CAMTA1: variants seen among roughly 807,000 people sequenced by gnomAD.
The protein encoded by CAMTA1 is calmodulin-binding transcription activator 1.
A neutral mutation model predicts 170.9 loss-of-function variants in CAMTA1; 27 were observed. The observed-to-expected ratio is 0.16, with a 90% CI of 0.12 to 0.22. CAMTA1 has a LOEUF of 0.22. CAMTA1 is among the 10% of genes least tolerant of loss of function. The pLI, the probability that CAMTA1 is intolerant of heterozygous loss-of-function variation, is 1.00. For missense variants in CAMTA1, 1,619 were observed against 2,217.2 expected (o/e 0.73, Z 5.42); for synonymous variants, 833 against 891.5 (o/e 0.93, Z 1.17).
At chr1:7,302,965 G>GGTGCT in intron 5 of CAMTA1, among the ~76,000 whole-genome samples, 1 of 152,296 alleles carries the variant, frequency 6.6e-6, no homozygotes, top group African/African-American at 2.4e-5. Flanking sequence ...AGGGTACCCA[G>GGTGCT]GTGCTGTGGG....
At chr1:7,416,227 A>T (rs2091162337) in intron 5 of CAMTA1, among the ~76,000 whole-genome samples, 1 of 151,918 alleles carries the variant, frequency 6.6e-6, no homozygotes, top group African/African-American at 2.4e-5. Flanking sequence ...TGAATCTGAC[A>T]ATTATGTGTC....
At chr1:6,855,078 C>T (rs1287338967) in intron 3 of CAMTA1, among the ~76,000 whole-genome samples, 1 of 151,946 alleles carries the variant, frequency 6.6e-6, no homozygotes, top group Non-Finnish European at 1.5e-5. Context: ...TTGTAGATGA[C>T]ATGATTGTAT....
chr1:6,806,817 A>G (rs1159440549), intron 1 of CAMTA1, among the ~76,000 whole-genome samples: 1 of 152,266 alleles, frequency 6.6e-6, no homozygotes, highest in African/African-American at 2.4e-5. Context: ...ACATGTTACA[A>G]TAAAATTGTG....
At chr1:6,967,649 G>C (rs1353737614) in intron 3 of CAMTA1, among the ~76,000 whole-genome samples, 2 of 152,170 alleles carry the variant, frequency 1.3e-5, no homozygotes, top group African/African-American at 4.8e-5. Flanking sequence ...CATGAGCTCT[G>C]GCTGTGCTGT....
chr1:7,708,021 A>C (rs1049613442), intron 11 of CAMTA1, among the ~76,000 whole-genome samples: 15 of 152,146 alleles, frequency 9.9e-5, no homozygotes, highest in African/African-American at 3.4e-4. Flanking sequence ...ATGATATGAT[A>C]CCTTGTGAAT....
intron 5 of CAMTA1, among the ~76,000 whole-genome samples, chr1:7,283,449 C>T (rs995537744): frequency 1.6e-4 from 24 of 152,192 alleles, no homozygotes; most frequent in African/African-American, 5.5e-4. Flanking sequence ...ACACAGGTGA[C>T]TCACACTGCT....
rs907689042 is a variant in CAMTA1, at chr1:7,746,006, T to C, written c.4532T>C (p.Phe1511Ser). The C allele has an allele frequency of 6.2e-7, 1 of 1,614,186 alleles. No individual in the cohort carries two copies. The highest frequency in any genetic ancestry group is 8.5e-7 in the Non-Finnish European group (1 of 1,180,026). ...ASTSEKVENE[F>S]AQLTLSDHEQ... ...ACCAGTGAGAAGGTAGAGAATGAGT[T>C]TGCTCAGCTCACTCTGTCTGATCAT... is the stretch of plus-strand genomic sequence containing the variant. Residue 1511 changes from phenylalanine (F) to serine (S), a missense_variant, in exon 18 of 23, where the codon TTT becomes TCT. This residue lies in a region of CAMTA1 where 128 missense variants were observed against 213.5 expected (regional missense o/e 0.60). Coordinates refer to ENST00000303635, the MANE Select transcript of CAMTA1 (RefSeq NM_015215.4).
intron 11 of CAMTA1, among the ~76,000 whole-genome samples, chr1:7,709,874 G>C (rs537312262): frequency 6.6e-6 from 1 of 152,196 alleles, no homozygotes; most frequent in Admixed American, 6.5e-5. Context: ...CATAGTAAGC[G>C]TAAGTATTGA....
rs915487585 is a variant in CAMTA1 at position 7,045,516 on chromosome 1, C to T, written c.235-45788C>T. On this transcript the variant is annotated intron_variant, in intron 3 of 22. Transcript: ENST00000303635. The stretch of plus-strand genomic sequence containing the variant: ...GCAGGCCAACCTCAAACTCTTTAAA[C>T]TTTATATATATCTACATTTGAAAGA... 6.6e-5 allele frequency among the ~76,000 whole-genome samples: 10 copies of T among 152,218 alleles called. 1 individual carries two copies. The highest frequency in any genetic ancestry group is 5.9e-4 in the Admixed American group (9 of 15,278).
intron 3 of CAMTA1, among the ~76,000 whole-genome samples, chr1:6,926,335 C>CTCCTT (rs1168593135): frequency 2.9e-5 from 4 of 138,474 alleles, no homozygotes; most frequent in Admixed American, 7.3e-5. Context: ...CCCCTCTCCT[C>CTCCTT]TCCTTTCCTT....
intron 6 of CAMTA1, among the ~76,000 whole-genome samples, chr1:7,637,105 G>A (rs1176860528): frequency 6.6e-6 from 1 of 152,228 alleles, no homozygotes; most frequent in East Asian, 1.9e-4. Flanking sequence ...CTTTTGGGGT[G>A]CTCTCATGCA....
intron 6 of CAMTA1, among the ~76,000 whole-genome samples, chr1:7,627,698 T>C (rs1367481972): frequency 1.3e-5 from 2 of 152,254 alleles, no homozygotes; most frequent in African/African-American, 4.8e-5. Context: ...CAGCATCAGA[T>C]AGACCTGGGC....
chr1:7,505,443 C>G (rs1206734404), intron 6 of CAMTA1, among the ~76,000 whole-genome samples: 1 of 152,200 alleles, frequency 6.6e-6, no homozygotes, highest in East Asian at 1.9e-4. Flanking sequence ...GCCACCCTCC[C>G]CCAGCTCCAG....
intron 5 of CAMTA1, among the ~76,000 whole-genome samples, chr1:7,398,248 A>G (rs2089596557): frequency 9.4e-6 from 1 of 106,380 alleles, no homozygotes; most frequent in African/African-American, 3.4e-5. Context: ...TTTGCTTAAT[A>G]TATCTGGGTG....
At chr1:7,629,348 C>T (rs981979090) in intron 6 of CAMTA1, among the ~76,000 whole-genome samples, 1 of 152,198 alleles carries the variant, frequency 6.6e-6, no homozygotes, top group African/African-American at 2.4e-5. Flanking sequence ...AGAGAGATGG[C>T]CCCCAGCATC....
At chr1:7,362,455 A>G (rs889992859) in intron 5 of CAMTA1, among the ~76,000 whole-genome samples, 9 of 151,892 alleles carry the variant, frequency 5.9e-5, no homozygotes, top group Non-Finnish European at 8.8e-5. Context: ...CAATAGAGTT[A>G]GTGGACTTGA....
At chr1:7,410,822 G>A (rs1308130297) in intron 5 of CAMTA1, among the ~76,000 whole-genome samples, 7 of 152,186 alleles carry the variant, frequency 4.6e-5, no homozygotes, top group Non-Finnish European at 5.9e-5. Flanking sequence ...CACACGGGGC[G>A]CTCTGCTGGG....
chr1:7,498,720 CAT>C lies in CAMTA1; in HGVS notation c.510+30820_510+30821del, dbSNP rs1382836444. ...GTATATGTGTGTGCACATGGGTGTA[CAT>C]GAGTGCATGTGCAGAGAGGATGAGT... On this transcript the variant is annotated intron_variant, in intron 6 of 22. Coordinates refer to ENST00000303635, the MANE Select transcript of CAMTA1 (RefSeq NM_015215.4). 1.1e-4 allele frequency among the ~76,000 whole-genome samples: 17 copies of C among 149,348 alleles called. No individual in the cohort carries two copies. The East Asian group carries it at 2.8e-3, about 24-fold the overall frequency.
chr1:7,140,303 T>C (rs1185130322), intron 4 of CAMTA1, among the ~76,000 whole-genome samples: 1 of 152,208 alleles, frequency 6.6e-6, no homozygotes, highest in Non-Finnish European at 1.5e-5. Context: ...CAACCTGTGA[T>C]GAATAGATTA....
Sources: gnomAD v4.1 joint callset for allele counts (sites outside exome capture counted in the v4.1 genomes callset) on GRCh38, gnomAD v4.1.1 for gene constraint, gnomAD v4.1.1 regional missense constraint, MANE v1.5 for transcripts, NCBI Gene and HGNC (gene_info 2026-07-23, HGNC 2026-07-21) for gene names.